Variants in CRB1 observed in about 807,000 individuals in gnomAD.
CRB1 encodes protein crumbs homolog 1.
In CRB1, 83 loss-of-function variants were observed where a neutral mutation model predicts 120.0. That is an observed-to-expected ratio of 0.69 (90% confidence interval 0.58 to 0.83). CRB1 has a LOEUF of 0.83. Among genes scored for constraint, CRB1 ranks in the 40% least tolerant of loss-of-function variants. CRB1 has a pLI of 0.00. For missense variants in CRB1, 1,699 were observed against 1,687.6 expected (o/e 1.01, Z -0.12); for synonymous variants, 625 against 612.5 (o/e 1.02, Z -0.30).
At chr1:197,368,208 C>CT (rs962943182) in intron 5 of CRB1, among the ~76,000 whole-genome samples, 1 of 151,990 alleles carries the variant, frequency 6.6e-6, no homozygotes, top group African/African-American at 2.4e-5. Flanking sequence ...TAGAAATGCA[C>CT]TTTTTTTTCT....
chr1:197,364,071 G>A (rs1169582771), intron 5 of CRB1: 2 of 1,301,714 alleles, frequency 1.5e-6, no homozygotes, highest in Admixed American at 1.7e-5. Flanking sequence ...ATCCGTGGCG[G>A]GGCTGCTGAG....
intron 5 of CRB1, among the ~76,000 whole-genome samples, chr1:197,377,749 G>C (rs1661723322): frequency 1.3e-5 from 2 of 151,966 alleles, no homozygotes; most frequent in Non-Finnish European, 1.5e-5. Context: ...AAAATTCAAA[G>C]ATATTATATG....
the CRB1 span, among the ~76,000 whole-genome samples, chr1:197,232,559 A>G: frequency 2.6e-5 from 4 of 152,206 alleles, no homozygotes; most frequent in Non-Finnish European, 5.9e-5. Context: ...GATACTACTC[A>G]GTCTATACAA....
intron 1 of CRB1, among the ~76,000 whole-genome samples, chr1:197,294,753 G>T (rs1037985325): frequency 1.3e-5 from 2 of 152,142 alleles, no homozygotes; most frequent in Admixed American, 6.5e-5. Context: ...CATGTCCTTT[G>T]TAGGGACATG....
chr1:197,391,544 C>G (rs1050150644), intron 5 of CRB1, among the ~76,000 whole-genome samples: 1 of 152,074 alleles, frequency 6.6e-6, no homozygotes, highest in Non-Finnish European at 1.5e-5. Context: ...TTTGTAGTTG[C>G]CTTGTGGTTT....
chr1:197,222,287 G>T, the CRB1 span: 1 of 629,748 alleles, frequency 1.6e-6, no homozygotes, highest in Non-Finnish European at 3.0e-6. Flanking sequence ...TTAGTTCTTG[G>T]TCTGTTATTT....
intron 1 of CRB1, among the ~76,000 whole-genome samples, chr1:197,299,570 A>T (rs201172815): frequency 6.6e-6 from 1 of 151,842 alleles, no homozygotes; most frequent in Non-Finnish European, 1.5e-5. Flanking sequence ...ATGTAAAAAA[A>T]GTTCATACAG....
rs574560626 is a variant in CRB1 at position 197,426,702 on chromosome 1, G to C, written c.2129-752G>C. On this transcript the variant is annotated intron_variant, in intron 6 of 11. Coordinates refer to ENST00000367400, the MANE Select transcript of CRB1 (RefSeq NM_201253.3). ...CTTTGCCCCAAGTTCTCTGTTTCCTGTGCCTTTCCTACTCCCAACCAGGAC... is the reference window on the plus strand; with the variant it reads ...CTTTGCCCCAAGTTCTCTGTTTCCTCTGCCTTTCCTACTCCCAACCAGGAC... Among the ~76,000 whole-genome samples the C allele has an allele frequency of 1.6e-4, 24 of 152,224 alleles. No homozygotes were observed. In the South Asian group the frequency reaches 4.4e-3, roughly 28 times the overall value.
chr1:197,327,650 G>A (rs1658595516), intron 1 of CRB1, among the ~76,000 whole-genome samples: 1 of 152,156 alleles, frequency 6.6e-6, no homozygotes, highest in African/African-American at 2.4e-5. Context: ...TTTAGCACTA[G>A]AAATACTTAA....
At chr1:197,222,833 T>C in the CRB1 span, 6 of 1,511,990 alleles carry the variant, frequency 4.0e-6, no homozygotes, top group African/African-American at 2.8e-5. Flanking sequence ...AGGATCATTC[T>C]CCTGATTTAT....
chr1:197,351,448 T>C (rs1258056359), intron 4 of CRB1, among the ~76,000 whole-genome samples: 1 of 151,342 alleles, frequency 6.6e-6, no homozygotes, highest in African/African-American at 2.4e-5. Flanking sequence ...CTTTGAATGA[T>C]TGCAAAAATA....
chr1:197,402,900 T>C (rs370579040), intron 5 of CRB1, among the ~76,000 whole-genome samples: 16 of 152,360 alleles, frequency 1.1e-4, no homozygotes, highest in African/African-American at 3.8e-4. Context: ...ATTGCAATGC[T>C]AGTTTTAGTT....
At chr1:197,425,533 G>A (rs995743001) in intron 6 of CRB1, among the ~76,000 whole-genome samples, 4 of 152,112 alleles carry the variant, frequency 2.6e-5, no homozygotes, top group African/African-American at 9.7e-5. Flanking sequence ...ATAAAATCTT[G>A]AAGACAGCAA....
At chr1:197,331,934 G>A (rs992659019) in intron 2 of CRB1, among the ~76,000 whole-genome samples, 5 of 152,176 alleles carry the variant, frequency 3.3e-5, no homozygotes, top group East Asian at 1.9e-4. Flanking sequence ...CAGCACTTTC[G>A]GAGGCTGAGG....
intron 5 of CRB1, among the ~76,000 whole-genome samples, chr1:197,386,944 G>A (rs898216332): frequency 2.6e-5 from 4 of 151,928 alleles, no homozygotes; most frequent in Non-Finnish European, 4.4e-5. Flanking sequence ...ATGAGTATTG[G>A]CTACGACAAT....
At chr1:197,402,200 C>T (rs1663100582) in intron 5 of CRB1, among the ~76,000 whole-genome samples, 3 of 152,074 alleles carry the variant, frequency 2.0e-5, no homozygotes, top group African/African-American at 7.2e-5. Flanking sequence ...TGCTCCTCTC[C>T]CTCAACTTAC....
chr1:197,465,516 A>T (rs980029450), intron 11 of CRB1, among the ~76,000 whole-genome samples: 1 of 152,254 alleles, frequency 6.6e-6, no homozygotes, highest in Non-Finnish European at 1.5e-5. Context: ...TCCTCATAAT[A>T]TGAAGGTTTC....
chr1:197,460,493 C>T (rs867512007), intron 11 of CRB1, among the ~76,000 whole-genome samples: 4 of 152,072 alleles, frequency 2.6e-5, no homozygotes, highest in East Asian at 1.9e-4. Context: ...AGGATTCTTA[C>T]GGTGCCTCTT....
intron 5 of CRB1, among the ~76,000 whole-genome samples, chr1:197,392,531 A>T (rs1662558288): frequency 6.6e-6 from 1 of 152,158 alleles, no homozygotes. Context: ...GTTACACAGC[A>T]CTGGGTATTC....
Sources: allele counts gnomAD v4.1 joint callset (sites outside exome capture counted in the v4.1 genomes callset), GRCh38; gene constraint gnomAD v4.1.1; transcripts MANE v1.5; gene names NCBI Gene and HGNC (gene_info 2026-07-23, HGNC 2026-07-21).